Variants in TMEM53 observed in about 807,000 individuals in gnomAD.
The protein encoded by TMEM53 is transmembrane protein 53.
Under a neutral mutation model 21.4 loss-of-function variants are expected in TMEM53, and 14 were observed. The ratio of observed to expected loss-of-function variants is 0.65; its 90% CI spans 0.43 to 1.02. The LOEUF is 1.02. TMEM53 is among the 50% of genes least tolerant of loss of function. The pLI is 0.00. For missense variants in TMEM53, 323 were observed against 383.6 expected, an observed-to-expected ratio of 0.84 and a Z score of 1.32; for synonymous variants, 148 against 157.4, an observed-to-expected ratio of 0.94 and a Z score of 0.45.
intron 1 of TMEM53, among the ~76,000 whole-genome samples, chr1:44,668,331 C>T (rs1333463758): frequency 1.3e-5 from 2 of 152,042 alleles, no homozygotes; most frequent in African/African-American, 4.8e-5. Flanking sequence ...GTCCCAGCTA[C>T]TCCGGAGGCT....
rs1262478676 is a variant in TMEM53, at chr1:44,674,358, T to C, written c.34A>G (p.Ile12Val). The C allele has an allele frequency of 1.9e-6, 3 of 1,612,858 alleles. No individual in the cohort carries two copies. Among genetic ancestry groups the C allele is most frequent in the African/African-American group, 2.7e-5 (2 of 74,864 alleles). The change falls in exon 1 of 3, where the codon ATC (isoleucine) becomes GTC (valine). Residue 12 changes from isoleucine to valine, a missense_variant. Coordinates refer to ENST00000372237, the MANE Select transcript of TMEM53 (RefSeq NM_024587.4). ...ASAELDYTIE[I>V]PDQPCWSQKN... ...TGGCTCCAGCAGGGCTGATCCGGGA[T>C]CTCGATGGTGTAGTCCAGCTCTGCC... is the stretch of plus-strand genomic sequence containing the variant.
At chr1:44,674,153 G>A in intron 1 of TMEM53, 178 bp downstream of exon 1, 2 of 985,376 alleles carry the variant, frequency 2.0e-6, no homozygotes, top group Non-Finnish European at 2.4e-6. Flanking sequence ...ACTCTGGGGC[G>A]GGACTTACGA....
intron 1 of TMEM53, among the ~76,000 whole-genome samples, chr1:44,662,597 G>A (rs149830764): frequency 5.3e-5 from 8 of 152,036 alleles, no homozygotes; most frequent in African/African-American, 1.7e-4. Flanking sequence ...TTGCATCTTC[G>A]AGACCCAGCA....
At chr1:44,666,887 C>T (rs1206043521) in intron 1 of TMEM53, among the ~76,000 whole-genome samples, 3 of 152,058 alleles carry the variant, frequency 2.0e-5, no homozygotes, top group Non-Finnish European at 4.4e-5. Flanking sequence ...CTCTGTCACC[C>T]AGGCTGGAAT....
chr1:44,668,791 C>T (rs1644973402), intron 1 of TMEM53, among the ~76,000 whole-genome samples: 2 of 152,242 alleles, frequency 1.3e-5, no homozygotes, highest in African/African-American at 4.8e-5. Flanking sequence ...AATCCACCCC[C>T]CTCGGCCTCC....
intron 1 of TMEM53, among the ~76,000 whole-genome samples, chr1:44,663,234 T>TTTGTTG (rs202108047): frequency 2.9e-4 from 44 of 151,688 alleles, no homozygotes; most frequent in African/African-American, 9.9e-4. Context: ...TAAAAACACT[T>TTTGTTG]TTGTTGTTGT....
chr1:44,658,536 C>T (rs896722452), intron 2 of TMEM53, among the ~76,000 whole-genome samples: 1 of 152,110 alleles, frequency 6.6e-6, no homozygotes, highest in Non-Finnish European at 1.5e-5. Context: ...CCAATCTCCC[C>T]GCTACTCTGC....
chr1:44,654,420 T>G lies in TMEM53; in HGVS notation c.*139A>C. On this transcript the variant is annotated 3_prime_UTR_variant, in exon 3 of 3. Coordinates refer to ENST00000372237, the MANE Select transcript of TMEM53 (RefSeq NM_024587.4). This position sits in a 1 kb window ranked among gnomAD's most constrained non-coding sequence, Gnocchi z 7.0. Reference sequence around the variant, plus strand: ...CAGAGGCCCCCAGGAGACAGGCCCATAGGAATTTTCTACTTAGGGGACCGC... The same window carrying G: ...CAGAGGCCCCCAGGAGACAGGCCCAGAGGAATTTTCTACTTAGGGGACCGC... The G allele has an allele frequency of 1.0e-6, 1 of 980,316 alleles. No individual in the cohort carries two copies. The highest frequency in any genetic ancestry group is 1.5e-6 in the Non-Finnish European group (1 of 662,182). 60.7% of individuals were successfully genotyped at this position (980,316 alleles called of 1,614,324 possible). A position where few individuals can be genotyped will look rare whatever the true frequency, so the allele number is the denominator to read the frequency against.
Position 44,653,271 on chromosome 1 carries a change from A to C in TMEM53, c.*1288T>G, listed in dbSNP as rs1323336534. The C allele has an allele frequency of 6.6e-6, 1 of 152,242 alleles. No homozygotes were observed. The highest frequency in any genetic ancestry group is 1.5e-5 in the Non-Finnish European group (1 of 68,042). The allele number at this position is 152,242 out of a possible 1,614,324, so 9.4% of individuals were successfully genotyped here. ...GCTCATTCAATCAAATATTTATTGA[A>C]TACCTACTATATGCCAACATTGTGC... is the stretch of plus-strand genomic sequence containing the variant. On this transcript the variant is annotated 3_prime_UTR_variant, in exon 3 of 3. Transcript: ENST00000372237.
Position 44,655,829 on chromosome 1 carries a change from A to C in TMEM53, c.184-620T>G, listed in dbSNP as rs554472286. 1.3e-5 allele frequency among the ~76,000 whole-genome samples: 2 copies of C among 152,086 alleles called. No individual in the cohort carries two copies. Among genetic ancestry groups the C allele is most frequent in the African/African-American group, 4.8e-5 (2 of 41,400 alleles). Reference sequence around the variant, plus strand: ...TAAAAACAGAGTCCATACTCTCTGGACTCAGGGACCTGACACTCAAATGTC... The same window carrying C: ...TAAAAACAGAGTCCATACTCTCTGGCCTCAGGGACCTGACACTCAAATGTC... On this transcript the variant is annotated intron_variant, in intron 2 of 2. Transcript: ENST00000372237. This position sits in a 1 kb window ranked among gnomAD's most constrained non-coding sequence, Gnocchi z 4.4.
intron 1 of TMEM53, among the ~76,000 whole-genome samples, chr1:44,672,553 C>T (rs1282530701): frequency 6.6e-6 from 1 of 152,138 alleles, no homozygotes; most frequent in Non-Finnish European, 1.5e-5. Context: ...TCTAACAATC[C>T]CAGCTGCCTC....
At chr1:44,673,825 G>T (rs1313450260) in intron 1 of TMEM53, 11 of 983,924 alleles carry the variant, frequency 1.1e-5, no homozygotes, top group Non-Finnish European at 1.3e-5. Flanking sequence ...TCTACCCGAC[G>T]GCAGAGACTG....
At chr1:44,669,827 T>C (rs1343637414) in intron 1 of TMEM53, among the ~76,000 whole-genome samples, 2 of 150,050 alleles carry the variant, frequency 1.3e-5, no homozygotes, top group Non-Finnish European at 3.0e-5. Context: ...AGACGGAGTT[T>C]CGCTCTCGTT....
chr1:44,665,657 A>G (rs1017787010), intron 1 of TMEM53, among the ~76,000 whole-genome samples: 3 of 152,090 alleles, frequency 2.0e-5, no homozygotes, highest in Admixed American at 2.0e-4. Context: ...AAAAACATGC[A>G]ATCTTTGACT....
chr1:44,664,578 C>G (rs1284117511), intron 1 of TMEM53, among the ~76,000 whole-genome samples: 1 of 152,150 alleles, frequency 6.6e-6, no homozygotes, highest in Non-Finnish European at 1.5e-5. Flanking sequence ...AAGCTGAAAT[C>G]CAAACCCAGC....
rs1403570294 is a variant in TMEM53 at position 44,661,402 on chromosome 1, TTC to T, written c.62-1109_62-1108del. Among the ~76,000 whole-genome samples the T allele has an allele frequency of 4.7e-4, 66 of 139,988 alleles. 1 individual carries two copies. The highest frequency in any genetic ancestry group is 7.2e-4 in the Non-Finnish European group (44 of 61,446). 91.8% of individuals were successfully genotyped at this position (139,988 alleles called of 152,430 possible). Reference sequence around the variant, plus strand: ...CCCACCACCATGTGCAGCTTTCTTTTTCTTTTTTTTTTTTTAAGAGTAAAAAA... The same window carrying T: ...CCCACCACCATGTGCAGCTTTCTTTTTTTTTTTTTTTTTAAGAGTAAAAAA... On this transcript the variant is annotated intron_variant, in intron 1 of 2. Coordinates refer to ENST00000372237, the MANE Select transcript of TMEM53 (RefSeq NM_024587.4).
At chr1:44,660,133 C>A (rs770974627) in intron 2 of TMEM53, 41 bp downstream of exon 2, 97 of 1,597,066 alleles carry the variant, frequency 6.1e-5, no homozygotes, top group Non-Finnish European at 4.3e-6. Flanking sequence ...AGGTGGTCAG[C>A]CCTCACGGCA....
In TMEM53 at chr1:44,655,275, G is replaced by C; in HGVS notation, c.184-66C>G. 6.8e-7 allele frequency: 1 copy of C among 1,480,306 alleles called. No individual in the cohort carries two copies. The highest frequency in any genetic ancestry group is 9.1e-7 in the Non-Finnish European group (1 of 1,104,248). The allele number at this position is 1,480,306 out of a possible 1,614,324, so 91.7% of individuals were successfully genotyped here. ...GGGTAGTGGGTACAAGCTAAGGTCA[G>C]AGGGGCCCAGCAACCCCAGCCTGTA... On this transcript the variant is annotated intron_variant, in intron 2 of 2. Transcript: ENST00000372237. The surrounding 1 kb of genome is among the most constrained non-coding windows in gnomAD (Gnocchi z 4.4).
chr1:44,654,399 G>A lies in TMEM53; in HGVS notation c.*160C>T. On this transcript the variant is annotated 3_prime_UTR_variant, in exon 3 of 3. Coordinates refer to ENST00000372237, the MANE Select transcript of TMEM53 (RefSeq NM_024587.4). The surrounding 1 kb of genome is among the most constrained non-coding windows in gnomAD (Gnocchi z 7.0). ...GGTAAGCAGACCACCAGCAGACAGAGGCCCCCAGGAGACAGGCCCATAGGA... is the reference window on the plus strand; with the variant it reads ...GGTAAGCAGACCACCAGCAGACAGAAGCCCCCAGGAGACAGGCCCATAGGA... 1 of 791,878 alleles carries A rather than the reference G, an allele frequency of 1.3e-6. No individual in the cohort carries two copies. The highest frequency in any genetic ancestry group is 1.8e-5 in the South Asian group (1 of 56,534). 49.1% of individuals were successfully genotyped at this position (791,878 alleles called of 1,614,324 possible). A position where few individuals can be genotyped will look rare whatever the true frequency, so the allele number is the denominator to read the frequency against.
Sources: allele counts gnomAD v4.1 joint callset (sites outside exome capture counted in the v4.1 genomes callset), GRCh38; gene constraint gnomAD v4.1.1; non-coding constraint Gnocchi (gnomAD v3.1); transcripts MANE v1.5; gene names NCBI Gene and HGNC (gene_info 2026-07-23, HGNC 2026-07-21).